The following TTLL13 variants were observed in gnomAD, a reference collection of about 807,000 sequenced individuals.
The protein encoded by TTLL13 is tubulin tyrosine ligase like 13.
the TTLL13 span, chr15:90,263,370 A>G: frequency 1.9e-6 from 1 of 521,246 alleles, no homozygotes; most frequent in Non-Finnish European, 3.4e-6. Context: ...TTGCAGCTCC[A>G]AACCTTCTCA....
the TTLL13 span, chr15:90,258,875 C>T: frequency 3.3e-5 from 53 of 1,614,032 alleles, no homozygotes; most frequent in South Asian, 2.0e-4. Flanking sequence ...GGAGGATAAG[C>T]GGCGAGTCAA....
the TTLL13 span, chr15:90,256,388 A>T: frequency 1.3e-6 from 2 of 1,528,888 alleles, no homozygotes; most frequent in Admixed American, 3.6e-5. Context: ...AGCTGGTCTT[A>T]GGCTTCTACC....
the TTLL13 span, chr15:90,257,854 G>A: frequency 2.0e-6 from 2 of 996,136 alleles, no homozygotes; most frequent in East Asian, 2.5e-5. Flanking sequence ...CCTGTCCTGT[G>A]CCTGCACTTT....
the TTLL13 span, among the ~76,000 whole-genome samples, chr15:90,251,764 C>T: frequency 6.7e-6 from 1 of 149,574 alleles, no homozygotes; most frequent in Non-Finnish European, 1.5e-5. Context: ...ACACTGGAAG[C>T]TGAGACATTG....
chr15:90,249,994 G>T, the TTLL13 span, among the ~76,000 whole-genome samples: 3 of 151,674 alleles, frequency 2.0e-5, no homozygotes, highest in Admixed American at 2.0e-4. Context: ...CTCTTGCTCT[G>T]TCGCCCAGGC....
the TTLL13 span, chr15:90,262,895 G>A: frequency 6.9e-7 from 1 of 1,454,472 alleles, no homozygotes; most frequent in Non-Finnish European, 9.2e-7. Flanking sequence ...CAGGAGGCCT[G>A]TAGCCATCCT....
the TTLL13 span, chr15:90,258,335 G>A: frequency 7.2e-7 from 1 of 1,384,138 alleles, no homozygotes; most frequent in Non-Finnish European, 1.0e-6. Context: ...GGACACCTGG[G>A]ACAGGGGTAC....
chr15:90,260,479 A>G, the TTLL13 span, among the ~76,000 whole-genome samples: 4 of 152,230 alleles, frequency 2.6e-5, no homozygotes, highest in African/African-American at 9.6e-5. Context: ...CCTGGACGAT[A>G]GAGTGAGACC....
the TTLL13 span, among the ~76,000 whole-genome samples, chr15:90,260,211 GT>G: frequency 2.5e-3 from 388 of 152,264 alleles, 3 homozygotes; most frequent in African/African-American, 9.0e-3. Flanking sequence ...TAAAAATATT[GT>G]TGTGGCCAGG....
the TTLL13 span, among the ~76,000 whole-genome samples, chr15:90,259,301 G>C: frequency 6.6e-6 from 1 of 152,038 alleles, no homozygotes; most frequent in East Asian, 1.9e-4. Flanking sequence ...GAGGTGGGAT[G>C]GTTACTTGAG....
the TTLL13 span, chr15:90,261,934 TAGTC>T: frequency 7.9e-7 from 1 of 1,268,530 alleles, no homozygotes; most frequent in East Asian, 2.8e-5. Context: ...CTCCAAACCT[TAGTC>T]AGTCTTCCTT....
At chr15:90,256,589 CTTTCTTTCTT>C in the TTLL13 span, among the ~76,000 whole-genome samples, 16 of 34,870 alleles carry the variant, frequency 4.6e-4, 1 homozygote, top group Admixed American at 2.5e-3. Context: ...TTCTTTCTTT[CTTTCTTTCTT>C]TCTTTCTTTC....
At chr15:90,252,056 T>TTTTTTTTTTTTG in the TTLL13 span, among the ~76,000 whole-genome samples, 1 of 151,184 alleles carries the variant, frequency 6.6e-6, no homozygotes, top group African/African-American at 2.4e-5. Flanking sequence ...TTTTTTTTTT[T>TTTTTTTTTTTTG]GAGACCGAGT....
At chr15:90,256,085 C>T in the TTLL13 span, 2 of 1,594,984 alleles carry the variant, frequency 1.3e-6, no homozygotes, top group South Asian at 2.3e-5. Flanking sequence ...CTCCATGCGG[C>T]CCCGGGAAAG....
At chr15:90,263,736 C>T in the TTLL13 span, 1 of 682,186 alleles carries the variant, frequency 1.5e-6, no homozygotes, top group African/African-American at 1.8e-5. Flanking sequence ...CTCTTCTCCT[C>T]TAGCCTAGAT....
the TTLL13 span, among the ~76,000 whole-genome samples, chr15:90,261,139 C>T: frequency 6.7e-6 from 1 of 149,906 alleles, no homozygotes; most frequent in East Asian, 2.0e-4. Context: ...AGTGCAGTGC[C>T]ACGATCTTGG....
chr15:90,251,903 C>A, the TTLL13 span, among the ~76,000 whole-genome samples: 1 of 151,828 alleles, frequency 6.6e-6, no homozygotes. Flanking sequence ...GAGACAGAGT[C>A]TCGCTTTGTC....
chr15:90,260,058 C>CTGT, the TTLL13 span, among the ~76,000 whole-genome samples: 1 of 152,128 alleles, frequency 6.6e-6, no homozygotes, highest in African/African-American at 2.4e-5. Context: ...TGAAGTAGAA[C>CTGT]TGTAATATAC....
the TTLL13 span, chr15:90,257,941 C>T: frequency 3.9e-5 from 47 of 1,216,622 alleles, no homozygotes; most frequent in Middle Eastern, 2.2e-4. Flanking sequence ...CTTCAAAGCC[C>T]GGGCATGCAA....
Sources: allele counts gnomAD v4.1 joint callset (sites outside exome capture counted in the v4.1 genomes callset), GRCh38; gene constraint gnomAD v4.1.1; transcripts MANE v1.5; gene names NCBI Gene and HGNC (gene_info 2026-07-23, HGNC 2026-07-21).